The following ANO8 variants were observed in gnomAD, a reference collection of about 807,000 sequenced individuals.
ANO8 encodes anoctamin-8.
In ANO8, 67 loss-of-function variants were observed where a neutral mutation model predicts 120.4. The ratio of observed to expected loss-of-function variants is 0.56; its 90% CI spans 0.46 to 0.68. The LOEUF is 0.68. ANO8 is among the 30% of genes least tolerant of loss of function. ANO8 has a pLI of 0.00. For missense variants in ANO8, 1,526 were observed against 1,737.6 expected (o/e 0.88, Z 2.16); for synonymous variants, 727 against 759.2 (o/e 0.96, Z 0.70).
In ANO8 at chr19:17,323,743, C is replaced by T; in HGVS notation, c.3473G>A (p.Gly1158Glu). Residue 1158 changes from glycine to glutamate, a missense_variant, in exon 18 of 18, where the codon GGG becomes GAG. This residue lies in a region of ANO8 where 489 missense variants were observed against 548.6 expected (regional missense o/e 0.89). Transcript: ENST00000159087. ...CWQWDGPWGC[G>E]GEGAAPRQAL... is the part of the protein sequence containing the mutation. ...CTGGCGGGGGGCGGCACCCTCGCCC[C>T]CGCAGCCCCAGGGCCCGTCCCACTG... is the stretch of plus-strand genomic sequence containing the variant. 1 of 1,202,588 alleles carries T rather than the reference C, an allele frequency of 8.3e-7. No homozygotes were observed. The highest frequency in any genetic ancestry group is 1.0e-6 in the Non-Finnish European group (1 of 968,552). 74.5% of individuals were successfully genotyped at this position (1,202,588 alleles called of 1,614,324 possible).
intron 12 of ANO8, chr19:17,329,297 C>G (rs2074299469): frequency 7.9e-6 from 3 of 378,508 alleles, no homozygotes; most frequent in Non-Finnish European, 9.5e-6. Context: ...TGCTGGCCGC[C>G]CCCGACCCCA....
Position 17,330,471 on chromosome 19 carries a change from C to T in ANO8, c.1027G>A (p.Glu343Lys), listed in dbSNP as rs1455004885. 1 of 1,552,634 alleles carries T rather than the reference C, an allele frequency of 6.4e-7. No homozygotes were observed. ...VRRISPITRA[E>K]EFYYPPWKRL... ...TTCCAGGGCGGGTAGTAGAACTCCT[C>T]GGCCCGCGTGATGGGGCTGATACGT... Residue 343 changes from glutamate to lysine, a missense_variant, in exon 9 of 18, where the codon GAG (glutamate) becomes AAG (lysine). Physicochemically the swap from Glu to Lys is moderately conservative, Grantham distance 56. Around this residue, in one of 8 missense-constraint regions of ANO8, gnomAD observed 322 missense variants for 431.8 expected, o/e 0.75. Transcript: ENST00000159087.
rs2074250047 is a variant in ANO8, at chr19:17,323,317, G to C, written c.*200C>G. The C allele has an allele frequency of 3.4e-6, 1 of 293,242 alleles. No homozygotes were observed. Among genetic ancestry groups the C allele is most frequent in the East Asian group, 5.4e-5 (1 of 18,650 alleles). 18.2% of individuals were successfully genotyped at this position (293,242 alleles called of 1,614,324 possible). On this transcript the variant is annotated 3_prime_UTR_variant, in exon 18 of 18. Coordinates refer to ENST00000159087, the MANE Select transcript of ANO8 (RefSeq NM_020959.3). ...AAATAAATAATCGCCTGTTCTGTGTGTGTGTGTGTGTGTGTGTGTGTGTGT... is the reference window on the plus strand; with the variant it reads ...AAATAAATAATCGCCTGTTCTGTGTCTGTGTGTGTGTGTGTGTGTGTGTGT...
Position 17,328,394 on chromosome 19 carries a change from C to T in ANO8, c.1994G>A (p.Gly665Glu), listed in dbSNP as rs1197180947. 6.4e-7 allele frequency: 1 copy of T among 1,570,682 alleles called. No individual in the cohort carries two copies. The highest frequency in any genetic ancestry group is 1.1e-5 in the South Asian group (1 of 87,132). ...TLAEEDDEAE[G>E]APGSPEREPP... is the part of the protein sequence containing the mutation. ...CTCCCGTTCAGGGCTGCCGGGAGCC[C>T]CCTCCGCCTCGTCGTCCTCCTCGGC... is the stretch of plus-strand genomic sequence containing the variant. Residue 665 changes from glycine to glutamate, a missense_variant, in exon 13 of 18, where the codon GGG becomes GAG. Around this residue, in one of 8 missense-constraint regions of ANO8, gnomAD observed 467 missense variants for 425.8 expected, o/e 1.10. Coordinates refer to ENST00000159087, the MANE Select transcript of ANO8 (RefSeq NM_020959.3).
Position 17,328,859 on chromosome 19 carries a change from C to G in ANO8, c.1529G>C (p.Arg510Pro). 2 of 1,492,018 alleles carry G rather than the reference C, an allele frequency of 1.3e-6. No individual in the cohort carries two copies. Among genetic ancestry groups the G allele is most frequent in the African/African-American group, 1.5e-5 (1 of 68,766 alleles). The allele number at this position is 1,492,018 out of a possible 1,614,324, so 92.4% of individuals were successfully genotyped here. ...GAGGCTCAGGAGGCCAAGCAGGGCT[C>G]GGGCCAGCTCCCAGACGGCCCGCAG... ...LGLRAVWELA[R>P]ALLGLLSLRR... The change falls in exon 13 of 18, where the codon CGA becomes CCA. Residue 510 changes from arginine (R) to proline (P), a missense_variant. By Grantham distance (103) the Arg-to-Pro change is moderately radical (BLOSUM62 -2). This residue lies in a region of ANO8 where 467 missense variants were observed against 425.8 expected (regional missense o/e 1.10). Coordinates refer to ENST00000159087, the MANE Select transcript of ANO8 (RefSeq NM_020959.3).
chr19:17,330,062 G>T (rs75728808), intron 10 of ANO8, 48 bp from the exon 11 acceptor site: 115,241 of 1,613,858 alleles, frequency 0.071, 4,902 homozygotes, highest in Non-Finnish European at 0.081. Flanking sequence ...TCCCCCCAAG[G>T]GTGGCAGGGA....
chr19:17,325,129 G>A lies in ANO8; in HGVS notation c.2919C>T (p.Asn973=). The A allele has an allele frequency of 6.2e-7, 1 of 1,613,720 alleles. No individual in the cohort carries two copies. The highest frequency in any genetic ancestry group is 8.5e-7 in the Non-Finnish European group (1 of 1,179,954). Residue 973 remains asparagine, a synonymous_variant, in exon 17 of 18, where the codon AAC becomes AAT. Coordinates refer to ENST00000159087, the MANE Select transcript of ANO8 (RefSeq NM_020959.3). ...TGATCTGCTTCAACTTCATGACGTT[G>A]TTGGGTGCCAGCAGGGACCCTGGGC... The part of the protein sequence containing the change: ...PKRPGSLLAP[N]NVMKLKQIIP...
rs1250965640 is a variant in ANO8, at chr19:17,330,106, A to AC, written c.1273+18dup. The AC allele has an allele frequency of 1.2e-6, 2 of 1,613,474 alleles. No homozygotes were observed. Among genetic ancestry groups the AC allele is most frequent in the East Asian group, 4.5e-5 (2 of 44,852 alleles). ...GGCAGTGGAGACCTTCCTCCCAGAG[A>AC]CCCCCTGGCAGGTCGTACCCATGTC... is the stretch of plus-strand genomic sequence containing the variant. On this transcript the variant is annotated intron_variant, in intron 10 of 17. Transcript: ENST00000159087.
rs748232159 is a variant in ANO8, at chr19:17,330,165, G to A, written c.1233C>T (p.Ala411=). ...VMLALLVSVS[A]EGYKKLAIWL... ...AGATGGCTAGCTTCTTGTAGCCCTC[G>A]GCACTCACACTGACAAGCAGGGCCA... The change falls in exon 10 of 18, where the codon GCC becomes GCT. Residue 411 remains alanine, a synonymous_variant. Coordinates refer to ENST00000159087, the MANE Select transcript of ANO8 (RefSeq NM_020959.3). The A allele has an allele frequency of 2.5e-6, 4 of 1,614,012 alleles. No individual in the cohort carries two copies. Among genetic ancestry groups the A allele is most frequent in the East Asian group, 4.5e-5 (2 of 44,882 alleles).
rs2074289114 is a variant in ANO8 at position 17,328,371 on chromosome 19, C to T, written c.2017G>A (p.Glu673Lys). The T allele has an allele frequency of 6.4e-7, 1 of 1,574,346 alleles. No individual in the cohort carries two copies. The highest frequency in any genetic ancestry group is 8.6e-7 in the Non-Finnish European group (1 of 1,164,662). ...AEGAPGSPER[E>K]PPAILFRRAG... ...CGGCGGAACAAGATGGCCGGGGGCT[C>T]CCGTTCAGGGCTGCCGGGAGCCCCC... Residue 673 changes from glutamate to lysine, a missense_variant, in exon 13 of 18, where the codon GAG (glutamate) becomes AAG (lysine). By Grantham distance (56) the Glu-to-Lys change is moderately conservative (BLOSUM62 1). This residue lies in a region of ANO8 where 467 missense variants were observed against 425.8 expected (regional missense o/e 1.10). Coordinates refer to ENST00000159087, the MANE Select transcript of ANO8 (RefSeq NM_020959.3).
Position 17,330,861 on chromosome 19 carries a change from C to A in ANO8, c.960G>T (p.Gly320=), listed in dbSNP as rs761959135. 3.1e-5 allele frequency: 50 copies of A among 1,614,052 alleles called. No individual in the cohort carries two copies. Among genetic ancestry groups the A allele is most frequent in the Non-Finnish European group, 4.2e-5 (50 of 1,180,028 alleles). Residue 320 remains glycine, a synonymous_variant, in exon 8 of 18, where the codon GGG becomes GGT. Coordinates refer to ENST00000159087, the MANE Select transcript of ANO8 (RefSeq NM_020959.3). ...GGGGGCGTGGCTCCTCCACGGCTTC[C>A]CCAGGTGAGTCCAGCGTCCCCCACT... ...AYKWGTLDSP[G]EAVEEPRPQF...
Position 17,323,824 on chromosome 19 carries a change from G to A in ANO8, c.3392C>T (p.Ala1131Val). ...ALRTRRSRSP[A>V]PPPPMPLPRP... ...GGGCAGCGGCATTGGCGGCGGCGGCGCGGGGCTCCGGCTGCGGCGGGTGCG... is the reference window on the plus strand; with the variant it reads ...GGGCAGCGGCATTGGCGGCGGCGGCACGGGGCTCCGGCTGCGGCGGGTGCG... The change falls in exon 18 of 18, where the codon GCG (alanine) becomes GTG (valine). Residue 1131 changes from alanine to valine, a missense_variant. By Grantham distance (64) the Ala-to-Val change is moderately conservative. This residue lies in a region of ANO8 where 489 missense variants were observed against 548.6 expected (regional missense o/e 0.89). Transcript: ENST00000159087. 1 of 1,135,144 alleles carries A rather than the reference G, an allele frequency of 8.8e-7. No individual in the cohort carries two copies. The allele number at this position is 1,135,144 out of a possible 1,614,324, so 70.3% of individuals were successfully genotyped here.
chr19:17,329,285 C>A, intron 12 of ANO8: 1 of 389,846 alleles, frequency 2.6e-6, no homozygotes, highest in Admixed American at 4.6e-5. Flanking sequence ...CCTGCACCTG[C>A]TTGCTGGCCG....
chr19:17,326,508 CAAA>C (rs974393523), intron 16 of ANO8, among the ~76,000 whole-genome samples: 5 of 151,840 alleles, frequency 3.3e-5, no homozygotes, highest in African/African-American at 1.2e-4. Flanking sequence ...GATTCTGTCT[CAAA>C]GAAAAAACAA....
At position 17,327,306 on chromosome 19, in the gene ANO8, T is replaced by G; in HGVS notation, c.2590A>C (p.Ile864Leu). 6.5e-7 allele frequency: 1 copy of G among 1,549,766 alleles called. No homozygotes were observed. The highest frequency in any genetic ancestry group is 8.7e-7 in the Non-Finnish European group (1 of 1,146,792). The change falls in exon 16 of 18, where the codon ATC becomes CTC. Residue 864 changes from isoleucine to leucine, a missense_variant. This residue lies in a region of ANO8 where 489 missense variants were observed against 548.6 expected (regional missense o/e 0.89). Transcript: ENST00000159087. ...GCCACCCAGCCCGGGATATCGGGGA[T>G]GGCCACGTGGATGAGGTACTTGAGG... ...LLLKYLIHVA[I>L]PDIPGWVAEE... is the part of the protein sequence containing the mutation.
rs8102944 is a variant in ANO8 at position 17,327,833 on chromosome 19, A to G, written c.2274T>C (p.Val758=). The G allele has an allele frequency of 0.7, 1,132,694 of 1,614,094 alleles. 406,343 individuals carry two copies. The highest frequency in any genetic ancestry group is 0.86 in the African/African-American group (64,642 of 75,052). ...YQEMFVQFGY[V]VLFSSAFPLA... ...GGGGGAAGGCGGACGAGAAGAGCAC[A>G]ACGTAGCCGAACTGCACGAACATCT... The change falls in exon 14 of 18, where the codon GTT becomes GTC. Residue 758 remains valine (V), a synonymous_variant. Transcript: ENST00000159087.
rs1433058178 is a variant in ANO8 at position 17,323,413 on chromosome 19, A to G, written c.*104T>C. On this transcript the variant is annotated 3_prime_UTR_variant, in exon 18 of 18. Coordinates refer to ENST00000159087, the MANE Select transcript of ANO8 (RefSeq NM_020959.3). ...CGGCAGATGGGGGGCACCGACCAAT[A>G]CTGGGGGCCCTCGGGGGCTGAAGCG... 21 of 1,205,552 alleles carry G rather than the reference A, an allele frequency of 1.7e-5. No homozygotes were observed. Among genetic ancestry groups the G allele is most frequent in the Non-Finnish European group, 2.2e-5 (21 of 944,938 alleles). The allele number at this position is 1,205,552 out of a possible 1,614,324, so 74.7% of individuals were successfully genotyped here.
Position 17,334,686 on chromosome 19 carries a change from G to A in ANO8, c.-16C>T, listed in dbSNP as rs2074349601. On this transcript the variant is annotated 5_prime_UTR_variant, in exon 1 of 18. Coordinates refer to ENST00000159087, the MANE Select transcript of ANO8 (RefSeq NM_020959.3). ...CCTCGGCCATGGCGAGGACAGGTCA[G>A]GTCAGGGGCTACGGACGGCCCGGGC... 2.9e-6 allele frequency: 4 copies of A among 1,388,654 alleles called. No homozygotes were observed. In the South Asian group the frequency reaches 6.4e-5, roughly 22 times the overall value. The allele number at this position is 1,388,654 out of a possible 1,614,324, so 86.0% of individuals were successfully genotyped here. A position where few individuals can be genotyped will look rare whatever the true frequency, so the allele number is the denominator to read the frequency against.
At chr19:17,330,806 C>G in intron 8 of ANO8, 22 bp downstream of exon 8, 2 of 1,608,870 alleles carry the variant, frequency 1.2e-6, no homozygotes, top group Non-Finnish European at 1.7e-6. Flanking sequence ...CTCCATGACC[C>G]TGGACTCAGC....
Sources: gnomAD v4.1 joint callset for allele counts (sites outside exome capture counted in the v4.1 genomes callset) on GRCh38, gnomAD v4.1.1 for gene constraint, gnomAD v4.1.1 regional missense constraint, MANE v1.5 for transcripts, NCBI Gene and HGNC (gene_info 2026-07-23, HGNC 2026-07-21) for gene names.